The following GABBR2 variants were observed in gnomAD, a reference collection of about 807,000 sequenced individuals.
GABBR2 encodes the protein gamma-aminobutyric acid type B receptor subunit 2.
GABBR2 carries 23 observed loss-of-function variants against 105.6 expected under a neutral mutation model. The observed-to-expected ratio is 0.22, with a 90% CI of 0.16 to 0.31. The LOEUF (loss-of-function observed/expected upper bound fraction) is 0.31. Ranked by LOEUF, GABBR2 falls within the 10% of genes least tolerant of loss-of-function variation. GABBR2 has a pLI of 1.00. For missense variants in GABBR2, 734 were observed against 1,245.5 expected (o/e 0.59, Z 6.18); for synonymous variants, 478 against 499.7 (o/e 0.96, Z 0.58).
At chr9:98,616,284 C>G (rs796897689) in intron 1 of GABBR2, among the ~76,000 whole-genome samples, 2 of 152,220 alleles carry the variant, frequency 1.3e-5, no homozygotes, top group African/African-American at 4.8e-5. Context: ...CCGGGTCAGG[C>G]AGTAAGCTGC....
At chr9:98,542,424 G>A (rs910986605) in intron 2 of GABBR2, among the ~76,000 whole-genome samples, 7 of 151,992 alleles carry the variant, frequency 4.6e-5, no homozygotes, top group South Asian at 4.2e-4. Context: ...AAAACTCTTC[G>A]TAAACCTTAT....
intron 1 of GABBR2, among the ~76,000 whole-genome samples, chr9:98,686,168 G>C (rs867770512): frequency 1.3e-5 from 2 of 152,094 alleles, no homozygotes; most frequent in Non-Finnish European, 1.5e-5. Flanking sequence ...GGTGATGTCT[G>C]ATATCTCCCC....
intron 2 of GABBR2, among the ~76,000 whole-genome samples, chr9:98,565,079 C>G (rs950236480): frequency 6.6e-6 from 1 of 152,150 alleles, no homozygotes; most frequent in Non-Finnish European, 1.5e-5. Flanking sequence ...AAGGACCAGA[C>G]GGGGAAGGCC....
At chr9:98,474,140 T>C (rs1220470157) in intron 5 of GABBR2, among the ~76,000 whole-genome samples, 1 of 152,148 alleles carries the variant, frequency 6.6e-6, no homozygotes, top group African/African-American at 2.4e-5. Context: ...TGGTTTATCA[T>C]CCTCATTCTA....
intron 1 of GABBR2, among the ~76,000 whole-genome samples, chr9:98,685,035 G>A (rs1198716235): frequency 8.5e-5 from 13 of 152,190 alleles, no homozygotes; most frequent in Admixed American, 8.5e-4. Flanking sequence ...TAACATTTGA[G>A]TCAGTGAACT....
intron 4 of GABBR2, among the ~76,000 whole-genome samples, chr9:98,494,021 C>A (rs546259944): frequency 6.6e-6 from 1 of 152,280 alleles, no homozygotes; most frequent in Admixed American, 6.5e-5. Context: ...TCTTATCTAA[C>A]ATGATCAGTG....
At chr9:98,452,036 C>G (rs1826240739) in intron 7 of GABBR2, among the ~76,000 whole-genome samples, 1 of 152,218 alleles carries the variant, frequency 6.6e-6, no homozygotes, top group South Asian at 2.1e-4. Flanking sequence ...GCACTTTTAA[C>G]CTCTCATTGT....
At chr9:98,459,007 G>A (rs1007549582) in intron 6 of GABBR2, among the ~76,000 whole-genome samples, 2 of 152,190 alleles carry the variant, frequency 1.3e-5, no homozygotes, top group African/African-American at 4.8e-5. Context: ...ATGTTGAGGA[G>A]ACTGTTCTTC....
At chr9:98,501,624 AT>A (rs1405835511) in intron 3 of GABBR2, among the ~76,000 whole-genome samples, 1 of 152,118 alleles carries the variant, frequency 6.6e-6, no homozygotes, top group Non-Finnish European at 1.5e-5. Context: ...TTTTAAGTAA[AT>A]GATTGATAAT....
intron 3 of GABBR2, among the ~76,000 whole-genome samples, chr9:98,504,791 T>G (rs1316823818): frequency 6.6e-6 from 1 of 152,222 alleles, no homozygotes; most frequent in African/African-American, 2.4e-5. Flanking sequence ...TGTGGCTCCT[T>G]AGAGGCAGAG....
At chr9:98,608,274 G>A in intron 1 of GABBR2, 1 of 557,622 alleles carries the variant, frequency 1.8e-6, no homozygotes, top group Non-Finnish European at 3.1e-6. Flanking sequence ...TATTTTTGTT[G>A]TTGTTGTTCT....
chr9:98,690,300 C>A (rs535117513), intron 1 of GABBR2, among the ~76,000 whole-genome samples: 3 of 152,344 alleles, frequency 2.0e-5, no homozygotes, highest in Non-Finnish European at 4.4e-5. Context: ...AGGACCAAGC[C>A]TTCCAAGATC....
At chr9:98,481,605 C>A (rs954210307) in intron 4 of GABBR2, among the ~76,000 whole-genome samples, 1 of 152,192 alleles carries the variant, frequency 6.6e-6, no homozygotes, top group Non-Finnish European at 1.5e-5. Flanking sequence ...GCTCTACCAA[C>A]AAACCATGGG....
intron 7 of GABBR2, among the ~76,000 whole-genome samples, chr9:98,422,495 CCTGTGTGTGTGTGTGTGTGTGTGTGT>C (rs1270744935): frequency 3.0e-5 from 4 of 132,748 alleles, no homozygotes; most frequent in Admixed American, 2.2e-4. Flanking sequence ...GCTTAATGCA[CCTGTGTGTGTGTGTGTGTGTGTGTGT>C]CTGTGTGTGT....
At chr9:98,606,977 G>A (rs1367851841) in intron 1 of GABBR2, 2 of 794,360 alleles carry the variant, frequency 2.5e-6, no homozygotes, top group Non-Finnish European at 4.5e-6. Flanking sequence ...CCAAACCGCT[G>A]CTCGCCCCAT....
chr9:98,347,434 T>C (rs1359322552), intron 13 of GABBR2, among the ~76,000 whole-genome samples: 1 of 152,158 alleles, frequency 6.6e-6, no homozygotes, highest in Non-Finnish European at 1.5e-5. Flanking sequence ...ATTATTTCAT[T>C]TTTTTCCTGT....
chr9:98,310,539 C>G (rs1830619514), intron 14 of GABBR2, among the ~76,000 whole-genome samples: 1 of 152,172 alleles, frequency 6.6e-6, no homozygotes, highest in African/African-American at 2.4e-5. Flanking sequence ...TGAGCCACAG[C>G]ACCTAGCATG....
At chr9:98,364,670 C>T (rs755337900) in intron 12 of GABBR2, among the ~76,000 whole-genome samples, 1 of 144,580 alleles carries the variant, frequency 6.9e-6, no homozygotes, top group Non-Finnish European at 1.5e-5. Flanking sequence ...AATTTAGGCT[C>T]ACTGCAGCCT....
At chr9:98,387,813 TAAA>T (rs1425911063) in intron 10 of GABBR2, among the ~76,000 whole-genome samples, 6 of 151,692 alleles carry the variant, frequency 4.0e-5, no homozygotes, top group Admixed American at 3.3e-4. Flanking sequence ...ATTAATTAAT[TAAA>T]AAACCAAGCA....
Sources: gnomAD v4.1 joint callset for allele counts (sites outside exome capture counted in the v4.1 genomes callset) on GRCh38, gnomAD v4.1.1 for gene constraint, MANE v1.5 for transcripts, NCBI Gene and HGNC (gene_info 2026-07-23, HGNC 2026-07-21) for gene names.